The following SHTN1 variants were observed in gnomAD, a reference collection of about 807,000 sequenced individuals.
SHTN1 encodes shootin-1.
SHTN1 carries 42 observed loss-of-function variants against 83.1 expected under a neutral mutation model. The observed-to-expected ratio is 0.51, with a 90% CI of 0.39 to 0.65. The LOEUF is 0.65. Ranked by LOEUF, SHTN1 falls within the 30% of genes least tolerant of loss-of-function variation. The pLI, the probability that SHTN1 is intolerant of heterozygous loss-of-function variation, is 0.00. For missense variants in SHTN1, 622 were observed against 737.8 expected, an observed-to-expected ratio of 0.84 and a Z score of 1.82; for synonymous variants, 224 against 247.7, an observed-to-expected ratio of 0.90 and a Z score of 0.90.
chr10:116,894,438 G>A (rs943486303), intron 16 of SHTN1, among the ~76,000 whole-genome samples: 1 of 152,168 alleles, frequency 6.6e-6, no homozygotes, highest in Non-Finnish European at 1.5e-5. Flanking sequence ...AGTTAAAAAG[G>A]AAATTGAAAA....
rs117318660 is a variant in SHTN1, at chr10:116,983,027, G to A, written c.59-3719C>T. 7.5e-3 allele frequency among the ~76,000 whole-genome samples: 1,140 copies of A among 151,800 alleles called. 8 individuals carry two copies. Among genetic ancestry groups the A allele is most frequent in the Non-Finnish European group, 0.013 (854 of 67,960 alleles). ...CATATGAAAGATAGCTGCAGCTTGA[G>A]AGCTCGAGAAGACTTCATCTCTCAG... is the stretch of plus-strand genomic sequence containing the variant. On this transcript the variant is annotated intron_variant, in intron 1 of 16. Coordinates refer to ENST00000355371, the MANE Select transcript of SHTN1 (RefSeq NM_001127211.3).
At chr10:116,991,083 G>A (rs1462650331) in intron 1 of SHTN1, among the ~76,000 whole-genome samples, 3 of 152,140 alleles carry the variant, frequency 2.0e-5, no homozygotes, top group African/African-American at 7.2e-5. Context: ...CTACTCTGGA[G>A]GCTGAGGCAG....
chr10:117,047,787 T>C (rs533809458), intron 2 of SHTN1, among the ~76,000 whole-genome samples: 1 of 151,972 alleles, frequency 6.6e-6, no homozygotes, highest in Admixed American at 6.6e-5. Context: ...CTCTTTTTTT[T>C]TGTATTTTTA....
Sources: gnomAD v4.1 joint callset for allele counts (sites outside exome capture counted in the v4.1 genomes callset) on GRCh38, gnomAD v4.1.1 for gene constraint, MANE v1.5 for transcripts, NCBI Gene and HGNC (gene_info 2026-07-23, HGNC 2026-07-21) for gene names.